Variants in KDF1 observed in about 807,000 individuals in gnomAD.
KDF1 encodes RP11-344H11.3.
KDF1 carries 11 observed loss-of-function variants against 31.6 expected under a neutral mutation model. The observed-to-expected ratio is 0.35, with a 90% confidence interval of 0.22 to 0.58. The LOEUF is 0.58. Among genes scored for constraint, KDF1 ranks in the 20% least tolerant of loss-of-function variants. The pLI is 0.83. For missense variants in KDF1, 476 were observed against 549.1 expected (o/e 0.87, Z 1.33); for synonymous variants, 205 against 214.4 (o/e 0.96, Z 0.38).
chr1:26,952,308 G>C lies in KDF1; in HGVS notation c.73C>G (p.Leu25Val). 1.3e-6 allele frequency: 2 copies of C among 1,536,690 alleles called. No individual in the cohort carries two copies. The highest frequency in any genetic ancestry group is 8.8e-7 in the Non-Finnish European group (1 of 1,141,180). ...RLGPWERPTE[L>V]CLETYDKPPQ... ...GGTTTATCATATGTCTCCAGACATA[G>C]CTCTGTTGGCCGCTCCCACGGTCCC... Residue 25 changes from leucine to valine, a missense_variant, in exon 2 of 4, where the codon CTA becomes GTA. This residue lies in a region of KDF1 where 330 missense variants were observed against 332.3 expected (regional missense o/e 0.99). Transcript: ENST00000320567. The surrounding 1 kb of genome is among the most constrained non-coding windows in gnomAD (Gnocchi z 4.1).
In KDF1 at chr1:26,950,115, G is replaced by C. The variant is rs2082340311; in HGVS notation, c.1151C>G (p.Thr384Ser). ...GGGTGCCCCCGACGAGTCTGTGTCG[G>C]TGCCCTGGAAGGATGAGTCATGGCT... ...PASHDSSFQG[T>S]DTDSSGAPLL... The change falls in exon 4 of 4, where the codon ACC becomes AGC. Residue 384 changes from threonine (T) to serine (S), a missense_variant. Physicochemically the swap from Thr to Ser is moderately conservative, Grantham distance 58. This residue lies in a region of KDF1 where 146 missense variants were observed against 216.8 expected (regional missense o/e 0.67). Coordinates refer to ENST00000320567, the MANE Select transcript of KDF1 (RefSeq NM_152365.3). This position sits in a 1 kb window ranked among gnomAD's most constrained non-coding sequence, Gnocchi z 4.0. 1.2e-6 allele frequency: 2 copies of C among 1,613,872 alleles called. No homozygotes were observed. Among genetic ancestry groups the C allele is most frequent in the African/African-American group, 1.3e-5 (1 of 74,912 alleles).
At position 26,957,614 on chromosome 1, in the gene KDF1, G is replaced by A. The variant is rs1051835416; in HGVS notation, c.-33+2736C>T. Among the ~76,000 whole-genome samples the A allele has an allele frequency of 2.0e-5, 3 of 152,260 alleles. No homozygotes were observed. The South Asian group carries it at 6.2e-4, about 32-fold the overall frequency. On this transcript the variant is annotated intron_variant, in intron 1 of 3. Coordinates refer to ENST00000320567, the MANE Select transcript of KDF1 (RefSeq NM_152365.3). ...TGACCAGAGTATGGATGGGGGATAG[G>A]AGGTGAGGGAGAGAGTGAAATCCCA...
intron 1 of KDF1, among the ~76,000 whole-genome samples, chr1:26,956,089 G>A (rs2082376353): frequency 6.6e-6 from 1 of 152,154 alleles, no homozygotes; most frequent in Non-Finnish European, 1.5e-5. Flanking sequence ...CTCATGTAGG[G>A]GTTTGCCAGG....
Position 26,951,737 on chromosome 1 carries a change from T to C in KDF1, c.644A>G (p.Glu215Gly). The C allele has an allele frequency of 6.2e-7, 1 of 1,613,962 alleles. No homozygotes were observed. Among genetic ancestry groups the C allele is most frequent in the Non-Finnish European group, 8.5e-7 (1 of 1,180,012 alleles). Residue 215 changes from glutamate (E) to glycine (G), a missense_variant, in exon 2 of 4, where the codon GAG becomes GGG. Transcript: ENST00000320567. This position sits in a 1 kb window ranked among gnomAD's most constrained non-coding sequence, Gnocchi z 5.4. ...TFASSPRGSE[E>G]YYSFHESDLD... ...GTCCGACTCATGGAAAGAATAGTAC[T>C]CCTCGGAGCCACGAGGACTACTGGC...
chr1:26,953,682 C>T (rs538818121), intron 1 of KDF1, among the ~76,000 whole-genome samples: 26 of 152,106 alleles, frequency 1.7e-4, no homozygotes, highest in Non-Finnish European at 2.5e-4. Flanking sequence ...AGCCCGGGTG[C>T]GGTGGCTCAT....
Position 26,951,314 on chromosome 1 carries a change from C to A in KDF1, c.1039+28G>T, listed in dbSNP as rs780231971. 1 of 1,507,602 alleles carries A rather than the reference C, an allele frequency of 6.6e-7. No individual in the cohort carries two copies. Among genetic ancestry groups the A allele is most frequent in the South Asian group, 1.3e-5 (1 of 77,080 alleles). 93.4% of individuals were successfully genotyped at this position (1,507,602 alleles called of 1,614,324 possible). The stretch of plus-strand genomic sequence containing the variant: ...CTGGCCAGAGCCTCCCCTACTCTGC[C>A]CCTCAGCCCCATGGGGCCCCCACCT... On this transcript the variant is annotated intron_variant, in intron 2 of 3. Coordinates refer to ENST00000320567, the MANE Select transcript of KDF1 (RefSeq NM_152365.3). The surrounding 1 kb of genome is among the most constrained non-coding windows in gnomAD (Gnocchi z 5.4).
intron 1 of KDF1, among the ~76,000 whole-genome samples, chr1:26,959,834 C>T (rs1393594868): frequency 6.6e-6 from 1 of 152,174 alleles, no homozygotes; most frequent in Non-Finnish European, 1.5e-5. Flanking sequence ...CAGCCGTCGG[C>T]TCAGTGCACC....
At chr1:26,958,079 G>C (rs902934218) in intron 1 of KDF1, among the ~76,000 whole-genome samples, 1 of 150,972 alleles carries the variant, frequency 6.6e-6, no homozygotes, top group Middle Eastern at 3.2e-3. Flanking sequence ...GCCTCCCAAA[G>C]TGCTGACATT....
intron 1 of KDF1, among the ~76,000 whole-genome samples, chr1:26,959,205 G>A (rs2124166047): frequency 6.6e-6 from 1 of 152,270 alleles, no homozygotes; most frequent in East Asian, 1.9e-4. Flanking sequence ...CTCCAGCGGT[G>A]GTGGGATGAG....
rs1328151741 is a variant in KDF1 at position 26,952,405 on chromosome 1, C to T, written c.-25G>A. On this transcript the variant is annotated 5_prime_UTR_variant, in exon 2 of 4. Transcript: ENST00000320567. This position sits in a 1 kb window ranked among gnomAD's most constrained non-coding sequence, Gnocchi z 4.1. The stretch of plus-strand genomic sequence containing the variant: ...TGGCTCATTGCATGGTTTGTAGCAG[C>T]CAGGCACCTGCGTGGGGAGAGGCCA... 6.7e-7 allele frequency: 1 copy of T among 1,492,898 alleles called. No individual in the cohort carries two copies. Among genetic ancestry groups the T allele is most frequent in the East Asian group, 2.3e-5 (1 of 43,680 alleles). 92.5% of individuals were successfully genotyped at this position (1,492,898 alleles called of 1,614,324 possible). A position where few individuals can be genotyped will look rare whatever the true frequency, so the allele number is the denominator to read the frequency against.
intron 1 of KDF1, among the ~76,000 whole-genome samples, chr1:26,955,763 T>C (rs2124162690): frequency 6.6e-6 from 1 of 152,330 alleles, no homozygotes; most frequent in Admixed American, 6.5e-5. Flanking sequence ...GAGACCAGCC[T>C]GACCAACATG....
At position 26,952,093 on chromosome 1, in the gene KDF1, C is replaced by T. The variant is rs772911827; in HGVS notation, c.288G>A (p.Arg96=). The change falls in exon 2 of 4, where the codon CGG becomes CGA. Residue 96 remains arginine, a synonymous_variant. Transcript: ENST00000320567. The surrounding 1 kb of genome is among the most constrained non-coding windows in gnomAD (Gnocchi z 4.1). The part of the protein sequence containing the change: ...CRAAFCFRRC[R]DCLQRCGACV... Reference sequence around the variant, plus strand: ...AGGCTCCACAGCGCTGGAGGCAATCCCGGCAGCGGCGGAAGCAGAAGGCAG... The same window carrying T: ...AGGCTCCACAGCGCTGGAGGCAATCTCGGCAGCGGCGGAAGCAGAAGGCAG... 1 of 1,613,198 alleles carries T rather than the reference C, an allele frequency of 6.2e-7. No individual in the cohort carries two copies. Among genetic ancestry groups the T allele is most frequent in the Non-Finnish European group, 8.5e-7 (1 of 1,179,930 alleles).
chr1:26,959,406 T>C lies in KDF1; in HGVS notation c.-33+944A>G, dbSNP rs1460116783. ...CTTGGTTTAGTGAGGGGAGACTCCC[T>C]GTCCCTATTGTGGCTTGAGGCAAGA... On this transcript the variant is annotated intron_variant, in intron 1 of 3. Transcript: ENST00000320567. Among the ~76,000 whole-genome samples, 4 of 151,874 alleles carry C rather than the reference T, an allele frequency of 2.6e-5. No homozygotes were observed. The East Asian group carries it at 7.8e-4, about 30-fold the overall frequency.
chr1:26,953,600 T>C (rs2082362451), intron 1 of KDF1, among the ~76,000 whole-genome samples: 1 of 152,248 alleles, frequency 6.6e-6, no homozygotes, highest in Non-Finnish European at 1.5e-5. Context: ...GAAATTCTTA[T>C]ACATGCTGCA....
rs774444521 is a variant in KDF1 at position 26,951,658 on chromosome 1, C to A, written c.723G>T (p.Val241=). Residue 241 remains valine, a synonymous_variant, in exon 2 of 4, where the codon GTG becomes GTT. Transcript: ENST00000320567. This position sits in a 1 kb window ranked among gnomAD's most constrained non-coding sequence, Gnocchi z 5.4. ...SGSMSSREID[V]LIFKKLTELF... The stretch of plus-strand genomic sequence containing the variant: ...GCTCTGTCAGCTTCTTGAAGATGAG[C>A]ACATCAATTTCTCGGCTCGACATGG... 1 of 1,613,900 alleles carries A rather than the reference C, an allele frequency of 6.2e-7. No homozygotes were observed. The highest frequency in any genetic ancestry group is 8.5e-7 in the Non-Finnish European group (1 of 1,180,026).
At position 26,952,098 on chromosome 1, in the gene KDF1, A is replaced by T; in HGVS notation, c.283T>A (p.Cys95Ser). ...CCACAGCGCTGGAGGCAATCCCGGCAGCGGCGGAAGCAGAAGGCAGCCCGG... is the reference window on the plus strand; with the variant it reads ...CCACAGCGCTGGAGGCAATCCCGGCTGCGGCGGAAGCAGAAGGCAGCCCGG... ...WCRAAFCFRR[C>S]RDCLQRCGAC... The change falls in exon 2 of 4, where the codon TGC (cysteine) becomes AGC (serine). Residue 95 changes from cysteine (C) to serine (S), a missense_variant. Physicochemically the swap from Cys to Ser is moderately radical, Grantham distance 112 (BLOSUM62 -1). Transcript: ENST00000320567. This position sits in a 1 kb window ranked among gnomAD's most constrained non-coding sequence, Gnocchi z 4.1. 1 of 1,613,310 alleles carries T rather than the reference A, an allele frequency of 6.2e-7. No individual in the cohort carries two copies. Among genetic ancestry groups the T allele is most frequent in the Non-Finnish European group, 8.5e-7 (1 of 1,179,904 alleles).
chr1:26,951,999 C>G lies in KDF1; in HGVS notation c.382G>C (p.Ala128Pro), dbSNP rs1301452100. Reference sequence around the variant, plus strand: ...GGGGGCACTCCATTGTGCTCCTTGGCCCAGTTGGCTTCAGCAGTCCCCTCA... The same window carrying G: ...GGGGGCACTCCATTGTGCTCCTTGGGCCAGTTGGCTTCAGCAGTCCCCTCA... ...STEGTAEANW[A>P]KEHNGVPPSP... The change falls in exon 2 of 4, where the codon GCC becomes CCC. Residue 128 changes from alanine (A) to proline (P), a missense_variant. Ala to Pro is a conservative substitution (Grantham distance 27, BLOSUM62 -1). Around this residue, in one of 2 missense-constraint regions of KDF1, gnomAD observed 330 missense variants for 332.3 expected, o/e 0.99. Transcript: ENST00000320567. This position sits in a 1 kb window ranked among gnomAD's most constrained non-coding sequence, Gnocchi z 5.4. 6.2e-7 allele frequency: 1 copy of G among 1,612,360 alleles called. No individual in the cohort carries two copies. The highest frequency in any genetic ancestry group is 8.5e-7 in the Non-Finnish European group (1 of 1,179,112).
chr1:26,959,307 C>T (rs2082390394), intron 1 of KDF1, among the ~76,000 whole-genome samples: 2 of 152,176 alleles, frequency 1.3e-5, no homozygotes, highest in Admixed American at 1.3e-4. Flanking sequence ...CAGGCAGTTT[C>T]TTCCAGGCTG....
At chr1:26,953,677 G>A (rs999424338) in intron 1 of KDF1, among the ~76,000 whole-genome samples, 1 of 152,120 alleles carries the variant, frequency 6.6e-6, no homozygotes, top group Non-Finnish European at 1.5e-5. Flanking sequence ...CAAATAGCCC[G>A]GGTGCGGTGG....
Sources: gnomAD v4.1 joint callset for allele counts (sites outside exome capture counted in the v4.1 genomes callset) on GRCh38, gnomAD v4.1.1 for gene constraint, gnomAD v4.1.1 regional missense constraint, Gnocchi (gnomAD v3.1) non-coding constraint, MANE v1.5 for transcripts, NCBI Gene and HGNC (gene_info 2026-07-23, HGNC 2026-07-21) for gene names.